The following ACYP1 variants were observed in gnomAD, a reference collection of about 807,000 sequenced individuals.
ACYP1 encodes the protein acylphosphatase 1.
ACYP1 carries 8 observed loss-of-function variants against 10.4 expected under a neutral mutation model. That is an observed-to-expected ratio of 0.77 (90% confidence interval 0.45 to 1.38). The LOEUF (loss-of-function observed/expected upper bound fraction) is 1.38, where lower values mean the gene tolerates loss of function less well. Among genes scored for constraint, ACYP1 ranks in the 40% most tolerant of loss-of-function variants. The pLI is 0.00. For missense variants in ACYP1, 93 were observed against 117.3 expected (o/e 0.79, Z 0.96); for synonymous variants, 38 against 40.8 (o/e 0.93, Z 0.26).
chr14:75,058,883 A>G (rs1204727749), intron 2 of ACYP1, among the ~76,000 whole-genome samples: 2 of 152,176 alleles, frequency 1.3e-5, no homozygotes, highest in Non-Finnish European at 2.9e-5. Flanking sequence ...TCAATCTAAG[A>G]GTGTAAACTA....
intron 2 of ACYP1, 94 bp from the exon 3 acceptor site, chr14:75,053,753 C>G: frequency 8.7e-7 from 1 of 1,153,928 alleles, no homozygotes; most frequent in South Asian, 1.4e-5. Context: ...TAGAATCAAG[C>G]CACTGAAACT....
chr14:75,057,341 A>G (rs547725167), intron 2 of ACYP1, among the ~76,000 whole-genome samples: 3 of 151,736 alleles, frequency 2.0e-5, no homozygotes, highest in African/African-American at 7.3e-5. Context: ...TCTTGAAAGA[A>G]ATTAAAGAGT....
At chr14:75,061,956 C>A (rs1031779014) in intron 2 of ACYP1, among the ~76,000 whole-genome samples, 1 of 151,784 alleles carries the variant, frequency 6.6e-6, no homozygotes, top group African/African-American at 2.4e-5. Flanking sequence ...ACAAAATTAG[C>A]GGGGCATGGT....
rs1381087806 is a variant in ACYP1, at chr14:75,057,808, T to C, written c.85-4149A>G. ...ACGGTGAAACGCCGTCTATTAAAAA[T>C]ACAAAAATTAGCCGGGCGCAGTGGT... On this transcript the variant is annotated intron_variant, in intron 2 of 2. Transcript: ENST00000238618. Among the ~76,000 whole-genome samples the C allele has an allele frequency of 1.3e-5, 2 of 148,612 alleles. 1 individual carries two copies. Among genetic ancestry groups the C allele is most frequent in the Non-Finnish European group, 3.0e-5 (2 of 67,362 alleles).
chr14:75,069,175 G>T, intron 1 of ACYP1: 1 of 1,511,944 alleles, frequency 6.6e-7, no homozygotes, highest in Non-Finnish European at 8.8e-7. Context: ...AAGCCTTGGC[G>T]AGGACAAGCA....
At chr14:75,063,849 CTCACTA>C in intron 1 of ACYP1, 99 bp downstream of exon 1, 2 of 863,564 alleles carry the variant, frequency 2.3e-6, no homozygotes, top group Non-Finnish European at 2.9e-6. Context: ...GTCCCGCTCC[CTCACTA>C]CCAGAATTCC....
chr14:75,063,493 C>A lies in ACYP1; in HGVS notation c.61G>T (p.Val21Leu), dbSNP rs201996298. Residue 21 changes from valine to leucine, a missense_variant, in exon 2 of 3, where the codon GTG (valine) becomes TTG (leucine). Val to Leu is a conservative substitution (Grantham distance 32). Transcript: ENST00000238618. The stretch of plus-strand genomic sequence containing the variant: ...ACCTGAGTATGCTTACGGAAAAACA[C>A]CCCTTGCACCTTCCCAAAAATTTCA... ...DYEIFGKVQGVFFRKHTQAEG... is the reference protein window; with the variant it reads ...DYEIFGKVQGLFFRKHTQAEG... 7.4e-6 allele frequency: 12 copies of A among 1,613,754 alleles called. No homozygotes were observed. The highest frequency in any genetic ancestry group is 1.0e-5 in the Non-Finnish European group (12 of 1,179,894).
chr14:75,061,637 A>G (rs1295334621), intron 2 of ACYP1: 25 of 1,406,086 alleles, frequency 1.8e-5, no homozygotes, highest in Non-Finnish European at 2.4e-5. Context: ...AACTTTGACT[A>G]ATCTTTGAAG....
chr14:75,055,130 A>G (rs1414045714), intron 2 of ACYP1, among the ~76,000 whole-genome samples: 1 of 132,690 alleles, frequency 7.5e-6, no homozygotes, highest in East Asian at 2.1e-4. Flanking sequence ...TCTGTCGCCC[A>G]GACTGGAGTG....
chr14:75,055,822 A>G (rs1892863914), intron 2 of ACYP1, among the ~76,000 whole-genome samples: 1 of 151,542 alleles, frequency 6.6e-6, no homozygotes, highest in Admixed American at 6.6e-5. Context: ...GAAAATCAAT[A>G]AAACAAAAGT....
chr14:75,061,904 C>T, intron 2 of ACYP1: 1 of 449,072 alleles, frequency 2.2e-6, no homozygotes, highest in South Asian at 3.4e-5. Flanking sequence ...GAGTTCAAGA[C>T]CAGCCTGACC....
chr14:75,059,772 G>T (rs187323222), intron 2 of ACYP1: 1 of 152,670 alleles, frequency 6.6e-6, no homozygotes, highest in African/African-American at 2.4e-5. Context: ...ATATTATTCC[G>T]TCTTACAAAG....
chr14:75,058,639 C>T (rs1418529884), intron 2 of ACYP1, among the ~76,000 whole-genome samples: 1 of 151,066 alleles, frequency 6.6e-6, no homozygotes. Flanking sequence ...TTGAAGGGGA[C>T]AAACATCTCA....
At chr14:75,064,049 T>G, upstream of ACYP1, 1 of 987,894 alleles carries the variant, frequency 1.0e-6, no homozygotes, top group Non-Finnish European at 1.2e-6. Context: ...GGAAGTTTAG[T>G]GTGTAGCTGC....
chr14:75,059,385 C>T (rs1203078446), intron 2 of ACYP1, among the ~76,000 whole-genome samples: 1 of 151,866 alleles, frequency 6.6e-6, no homozygotes, highest in East Asian at 1.9e-4. Flanking sequence ...CCTTCATGAC[C>T]TTGGATTAGG....
chr14:75,066,285 G>C (rs954578447), upstream of ACYP1, among the ~76,000 whole-genome samples: 3 of 152,172 alleles, frequency 2.0e-5, no homozygotes, highest in African/African-American at 7.2e-5. Flanking sequence ...TAATTAGCTT[G>C]ATTTAATCAC....
At chr14:75,053,709 G>A (rs1470384770) in intron 2 of ACYP1, 50 bp from the exon 3 acceptor site, 5 of 1,542,774 alleles carry the variant, frequency 3.2e-6, no homozygotes, top group Non-Finnish European at 4.5e-6. Context: ...AAGAAAACAA[G>A]GTAAGACTAC....
intron 2 of ACYP1, chr14:75,060,058 C>G (rs1020543826): frequency 6.4e-5 from 29 of 454,586 alleles, no homozygotes; most frequent in Non-Finnish European, 9.8e-5. Context: ...GTGCTTAAGA[C>G]CACTGAATTG....
At chr14:75,061,252 T>C (rs1186261493) in intron 2 of ACYP1, among the ~76,000 whole-genome samples, 2 of 152,208 alleles carry the variant, frequency 1.3e-5, no homozygotes, top group Admixed American at 6.5e-5. Context: ...GTGAATATAC[T>C]AAAAATCACC....
Sources: gnomAD v4.1 joint callset for allele counts (sites outside exome capture counted in the v4.1 genomes callset) on GRCh38, gnomAD v4.1.1 for gene constraint, MANE v1.5 for transcripts, NCBI Gene and HGNC (gene_info 2026-07-23, HGNC 2026-07-21) for gene names.